Variants in UNC5A observed in about 807,000 individuals in gnomAD.
UNC5A encodes the protein netrin receptor UNC5A.
In UNC5A, 20 loss-of-function variants were observed where a neutral mutation model predicts 87.4. The ratio of observed to expected loss-of-function variants is 0.23; its 90% CI spans 0.16 to 0.33. The LOEUF is 0.33. Ranked by LOEUF, UNC5A falls within the 10% of genes least tolerant of loss-of-function variation. The pLI is 1.00. For missense variants in UNC5A, 844 were observed against 1,133.4 expected, an observed-to-expected ratio of 0.74 and a Z score of 3.67; for synonymous variants, 438 against 482.3, an observed-to-expected ratio of 0.91 and a Z score of 1.20.
Position 176,862,632 on chromosome 5 carries a change from C to G in UNC5A, c.79C>G (p.Gln27Glu), listed in dbSNP as rs774784063. Reference protein sequence around the residue: ...AAWLRGSGAQQSATVANPVPG... With the variant: ...AAWLRGSGAQESATVANPVPG... Reference sequence around the variant, plus strand: ...CCTCTGCCCTGCCGCAGGTGCCCAGCAGAGTGCCACCGTGGCCAACCCAGT... The same window carrying G: ...CCTCTGCCCTGCCGCAGGTGCCCAGGAGAGTGCCACCGTGGCCAACCCAGT... Residue 27 changes from glutamine (Q) to glutamate (E), a missense_variant, in exon 2 of 15, where the codon CAG becomes GAG. Gln to Glu is a conservative substitution (Grantham distance 29). This residue lies in a region of UNC5A where 314 missense variants were observed against 466.5 expected (regional missense o/e 0.67). Coordinates refer to ENST00000329542, the MANE Select transcript of UNC5A (RefSeq NM_133369.3). 1.4e-5 allele frequency: 23 copies of G among 1,613,344 alleles called. No homozygotes were observed. Among genetic ancestry groups the G allele is most frequent in the South Asian group, 3.3e-5 (3 of 91,078 alleles).
At chr5:176,867,218 C>T (rs1757996671) in intron 2 of UNC5A, among the ~76,000 whole-genome samples, 1 of 152,138 alleles carries the variant, frequency 6.6e-6, no homozygotes, top group Non-Finnish European at 1.5e-5. Flanking sequence ...AGTCTTTTCT[C>T]ACTGCTGGGG....
chr5:176,812,878 G>A (rs1442876523), intron 1 of UNC5A, among the ~76,000 whole-genome samples: 3 of 152,176 alleles, frequency 2.0e-5, no homozygotes, highest in African/African-American at 7.2e-5. Context: ...ACATGTGGAC[G>A]CCCAGGCAGG....
chr5:176,837,545 G>T (rs1182446960), intron 1 of UNC5A, among the ~76,000 whole-genome samples: 2 of 152,188 alleles, frequency 1.3e-5, no homozygotes, highest in Non-Finnish European at 2.9e-5. Flanking sequence ...CAGGGACAGG[G>T]TCACCATCAG....
In UNC5A at chr5:176,844,463, G is replaced by T. The variant is rs555463449; in HGVS notation, c.71-18161G>T. Among the ~76,000 whole-genome samples, 1 of 152,190 alleles carries T rather than the reference G, an allele frequency of 6.6e-6. No homozygotes were observed. The highest frequency in any genetic ancestry group is 1.5e-5 in the Non-Finnish European group (1 of 68,038). The stretch of plus-strand genomic sequence containing the variant: ...CACGGTGTCCCAGCTGAGCGAGAAG[G>T]GACACGGGATGATATGAGCTGGCCG... On this transcript the variant is annotated intron_variant, in intron 1 of 14. Transcript: ENST00000329542. The surrounding 1 kb of genome is among the most constrained non-coding windows in gnomAD (Gnocchi z 4.2).
Position 176,822,311 on chromosome 5 carries a change from G to A in UNC5A, c.70+11491G>A, listed in dbSNP as rs114367428. Among the ~76,000 whole-genome samples, 9 of 152,342 alleles carry A rather than the reference G, an allele frequency of 5.9e-5. No homozygotes were observed. In the East Asian group the frequency reaches 7.7e-4, roughly 13 times the overall value. On this transcript the variant is annotated intron_variant, in intron 1 of 14. Transcript: ENST00000329542. ...GAGGGGTGTGCGGAGCAGGATCTGC[G>A]GTTGATAAAACTGGCAGCAGCAGGT... is the stretch of plus-strand genomic sequence containing the variant.
intron 6 of UNC5A, 42 bp from the exon 7 acceptor site, chr5:176,873,926 C>A: frequency 6.3e-7 from 1 of 1,594,808 alleles, no homozygotes. Context: ...TTCCCAGACT[C>A]CTACACCCCT....
chr5:176,831,083 C>A (rs976617968), intron 1 of UNC5A, among the ~76,000 whole-genome samples: 15 of 152,194 alleles, frequency 9.9e-5, no homozygotes, highest in African/African-American at 3.1e-4. Flanking sequence ...TTGCCCCACC[C>A]CCCACCTCCG....
At chr5:176,864,823 T>C in intron 2 of UNC5A, 1 of 456,006 alleles carries the variant, frequency 2.2e-6, no homozygotes, top group Non-Finnish European at 4.4e-6. Flanking sequence ...CAGAGGGAGA[T>C]AGAGAGGGTT....
At chr5:176,847,247 C>T (rs1054971850) in intron 1 of UNC5A, among the ~76,000 whole-genome samples, 1 of 152,314 alleles carries the variant, frequency 6.6e-6, no homozygotes, top group Non-Finnish European at 1.5e-5. Flanking sequence ...TCCCATCCAG[C>T]GCGTGACTCT....
chr5:176,867,807 C>A (rs781358780), intron 2 of UNC5A, among the ~76,000 whole-genome samples: 12 of 151,940 alleles, frequency 7.9e-5, no homozygotes, highest in Admixed American at 5.9e-4. Flanking sequence ...CAAAGCTCTA[C>A]GGCAGCCCCT....
chr5:176,858,772 AAGGC>A (rs1554098984), intron 1 of UNC5A, among the ~76,000 whole-genome samples: 20 of 140,142 alleles, frequency 1.4e-4, no homozygotes, highest in African/African-American at 5.5e-4. Context: ...GGAAGGAAGG[AAGGC>A]AAGCAAGCAG....
chr5:176,869,949 A>G lies in UNC5A; in HGVS notation c.722-421A>G, dbSNP rs1206927495. The stretch of plus-strand genomic sequence containing the variant: ...CGGGGTGCGGTGTATGGTTGGAGTC[A>G]GGGCTCGATCTGTGTCCAATGTCAG... On this transcript the variant is annotated intron_variant, in intron 5 of 14. Transcript: ENST00000329542. The surrounding 1 kb of genome is among the most constrained non-coding windows in gnomAD (Gnocchi z 9.1). Among the ~76,000 whole-genome samples the G allele has an allele frequency of 6.6e-6, 1 of 151,738 alleles. No individual in the cohort carries two copies. The highest frequency in any genetic ancestry group is 1.5e-5 in the Non-Finnish European group (1 of 67,898).
chr5:176,850,875 T>G (rs566921058), intron 1 of UNC5A, among the ~76,000 whole-genome samples: 1 of 151,460 alleles, frequency 6.6e-6, no homozygotes, highest in Non-Finnish European at 1.5e-5. Flanking sequence ...TGCCCACAAA[T>G]GCTAATGGAC....
chr5:176,854,054 T>G (rs866600629), intron 1 of UNC5A, among the ~76,000 whole-genome samples: 1 of 152,120 alleles, frequency 6.6e-6, no homozygotes, highest in Non-Finnish European at 1.5e-5. Flanking sequence ...TACAGAGGTT[T>G]TTTATGTTTT....
chr5:176,859,254 C>T (rs75818691), intron 1 of UNC5A, among the ~76,000 whole-genome samples: 673 of 7,284 alleles, frequency 0.092, 15 homozygotes, highest in African/African-American at 0.13. Flanking sequence ...TGCTAGAATG[C>T]CCTTGCTAGA....
At chr5:176,811,701 C>A (rs1006926555) in intron 1 of UNC5A, among the ~76,000 whole-genome samples, 1 of 152,124 alleles carries the variant, frequency 6.6e-6, no homozygotes, top group Non-Finnish European at 1.5e-5. Context: ...ATCTCTGCCC[C>A]CCATGCACTT....
At position 176,874,382 on chromosome 5, in the gene UNC5A, C is replaced by A. The variant is rs1758209127; in HGVS notation, c.1194C>A (p.His398Gln). The A allele has an allele frequency of 6.2e-7, 1 of 1,613,666 alleles. No individual in the cohort carries two copies. The highest frequency in any genetic ancestry group is 8.5e-7 in the Non-Finnish European group (1 of 1,179,976). ...PSPKFQLTNG[H>Q]LLSPLGGGRH... ...CCAAGTTCCAGCTCACCAATGGGCA[C>A]CTGCTCAGCCCCCTGGGTGGCGGCC... The change falls in exon 8 of 15, where the codon CAC becomes CAA. Residue 398 changes from histidine (H) to glutamine (Q), a missense_variant. Around this residue, in one of 3 missense-constraint regions of UNC5A, gnomAD observed 353 missense variants for 387.5 expected, o/e 0.91. Coordinates refer to ENST00000329542, the MANE Select transcript of UNC5A (RefSeq NM_133369.3). The surrounding 1 kb of genome is among the most constrained non-coding windows in gnomAD (Gnocchi z 7.6).
chr5:176,877,398 A>G (rs2304517), intron 9 of UNC5A, 119 bp downstream of exon 9: 1,224,070 of 1,333,352 alleles, frequency 0.92, 564,259 homozygotes, highest in African/African-American at 0.95. Flanking sequence ...GGAAAGAGCT[A>G]TGCCTAAGCC....
At position 176,878,604 on chromosome 5, in the gene UNC5A, G is replaced by T. The variant is rs758492026; in HGVS notation, c.2149G>T (p.Gly717Trp). ...KLWVWQVEGD[G>W]QSFSINFNIT... is the part of the protein sequence containing the mutation. ...GTGGGTGTGGCAGGTGGAGGGCGAC[G>T]GGCAGAGCTTCAGCATCAACTTCAA... The change falls in exon 13 of 15, where the codon GGG becomes TGG. Residue 717 changes from glycine to tryptophan, a missense_variant. Gly to Trp is a radical substitution (Grantham distance 184). Around this residue, in one of 3 missense-constraint regions of UNC5A, gnomAD observed 177 missense variants for 279.4 expected, o/e 0.63. Transcript: ENST00000329542. 6.2e-7 allele frequency: 1 copy of T among 1,612,642 alleles called. No individual in the cohort carries two copies. Among genetic ancestry groups the T allele is most frequent in the Non-Finnish European group, 8.5e-7 (1 of 1,179,884 alleles).
Sources: allele counts gnomAD v4.1 joint callset (sites outside exome capture counted in the v4.1 genomes callset), GRCh38; gene constraint gnomAD v4.1.1; regional missense constraint gnomAD v4.1.1; non-coding constraint Gnocchi (gnomAD v3.1); transcripts MANE v1.5; gene names NCBI Gene and HGNC (gene_info 2026-07-23, HGNC 2026-07-21).